Variants in TAF15 observed in about 807,000 individuals in gnomAD.
The protein encoded by TAF15 is TATA-box binding protein associated factor 15.
TAF15 carries 37 observed loss-of-function variants against 102.5 expected under a neutral mutation model. That is an observed-to-expected ratio of 0.36 (90% CI 0.28 to 0.47). TAF15 has a LOEUF of 0.47. Among genes scored for constraint, TAF15 ranks in the 20% least tolerant of loss-of-function variants. TAF15 has a pLI of 0.99. For missense variants in TAF15, 652 were observed against 760.7 expected (o/e 0.86, Z 1.68); for synonymous variants, 273 against 259.2 (o/e 1.05, Z -0.51).
chr17:35,824,360 A>C lies in TAF15; in HGVS notation c.605+162A>C, dbSNP rs534718476. 1.6e-4 allele frequency: 153 copies of C among 949,876 alleles called. No homozygotes were observed. The South Asian group carries it at 2.6e-3, about 16-fold the overall frequency. The allele number at this position is 949,876 out of a possible 1,614,324, so 58.8% of individuals were successfully genotyped here. ...AGGCAGAAATTAAAAGTGTATTTTC[A>C]GTCTTAATATCTCACATAAATGACC... On this transcript the variant is annotated intron_variant, in intron 7 of 15. Transcript: ENST00000605844.
chr17:35,836,930 C>T (rs1478587815), intron 10 of TAF15, among the ~76,000 whole-genome samples: 3 of 151,896 alleles, frequency 2.0e-5, no homozygotes, highest in Admixed American at 6.6e-5. Context: ...GGCGCTACCA[C>T]GCCCAGCTAA....
intron 9 of TAF15, among the ~76,000 whole-genome samples, chr17:35,835,200 T>C (rs1014434253): frequency 3.3e-5 from 5 of 152,194 alleles, no homozygotes; most frequent in Admixed American, 6.5e-5. Flanking sequence ...TTTAAAATTA[T>C]TGCAAATCAG....
chr17:35,810,344 T>G (rs897905350), intron 1 of TAF15: 1 of 152,382 alleles, frequency 6.6e-6, no homozygotes, highest in African/African-American at 2.4e-5. Flanking sequence ...CAATCTTTTT[T>G]CCCCCCACGA....
chr17:35,825,968 TA>T (rs913216007), intron 7 of TAF15, among the ~76,000 whole-genome samples: 58 of 150,654 alleles, frequency 3.8e-4, no homozygotes, highest in Middle Eastern at 3.4e-3. Flanking sequence ...AAAAAAACAT[TA>T]AAAAAAAATG....
intron 11 of TAF15, among the ~76,000 whole-genome samples, chr17:35,840,247 CTTTTTTTTT>C: frequency 8.4e-6 from 1 of 119,392 alleles, no homozygotes; most frequent in Non-Finnish European, 1.8e-5. Context: ...CGTTATTTTC[CTTTTTTTTT>C]TTTTTTTTTT....
rs932060866 is a variant in TAF15 at position 35,845,181 on chromosome 17, C to T, written c.1739+143C>T. ...ATGGAGAAGATGATTTAGTTTCCTG[C>T]TTAGCAATTTCTAAAATTTTGTTTT... On this transcript the variant is annotated intron_variant, in intron 15 of 15. Coordinates refer to ENST00000605844, the MANE Select transcript of TAF15 (RefSeq NM_139215.3). 3.8e-6 allele frequency: 4 copies of T among 1,064,706 alleles called. No homozygotes were observed. The African/African-American group carries it at 6.4e-5, about 17-fold the overall frequency. 66.0% of individuals were successfully genotyped at this position (1,064,706 alleles called of 1,614,324 possible).
At chr17:35,812,717 CAT>C (rs2087140112) in intron 1 of TAF15, among the ~76,000 whole-genome samples, 1 of 151,166 alleles carries the variant, frequency 6.6e-6, no homozygotes, top group Admixed American at 6.6e-5. Flanking sequence ...CTTTAGGAAA[CAT>C]TTCACTGAAA....
chr17:35,822,834 G>A lies in TAF15; in HGVS notation c.484+1G>A. On this transcript the variant is annotated splice_donor_variant, in intron 6 of 15. Transcript: ENST00000605844. LOFTEE classifies it high-confidence loss of function. ...GAAAACTACAGCCACCACACACAAG[G>A]TAAGATTTACTGACCTCTATTATTA... is the stretch of plus-strand genomic sequence containing the variant. 6.2e-7 allele frequency: 1 copy of A among 1,614,014 alleles called. No individual in the cohort carries two copies. The highest frequency in any genetic ancestry group is 1.3e-5 in the African/African-American group (1 of 75,026).
In TAF15 at chr17:35,844,283, A is replaced by G. The variant is rs1461894680; in HGVS notation, c.1092A>G (p.Ser364=). ...TTATATTTTCCTCCTTTCTTAGGTC[A>G]TGCGGAAATATGAACTTTGCTCGAA... ...KSGDWVCPNP[S]CGNMNFARRN... is the part of the protein sequence containing the mutation. Residue 364 remains serine (S), a synonymous_variant, in exon 14 of 16, where the codon TCA becomes TCG. Coordinates refer to ENST00000605844, the MANE Select transcript of TAF15 (RefSeq NM_139215.3). 1 of 1,614,214 alleles carries G rather than the reference A, an allele frequency of 6.2e-7. No homozygotes were observed. The highest frequency in any genetic ancestry group is 1.7e-5 in the Admixed American group (1 of 60,032).
intron 8 of TAF15, 111 bp downstream of exon 8, chr17:35,834,052 T>A (rs542105042): frequency 9.8e-7 from 1 of 1,019,094 alleles, no homozygotes; most frequent in Admixed American, 2.2e-5. Flanking sequence ...TTGAGGCTGG[T>A]GTGTGTTGTG....
intron 1 of TAF15, among the ~76,000 whole-genome samples, chr17:35,812,975 A>G (rs1469118665): frequency 6.6e-6 from 1 of 151,928 alleles, no homozygotes; most frequent in East Asian, 1.9e-4. Flanking sequence ...TAAAAGTATA[A>G]AAATTGCCAG....
In TAF15 at chr17:35,844,379, C is replaced by T. The variant is rs2087584147; in HGVS notation, c.1177+11C>T. The T allele has an allele frequency of 6.2e-7, 1 of 1,613,776 alleles. No homozygotes were observed. The highest frequency in any genetic ancestry group is 8.5e-7 in the Non-Finnish European group (1 of 1,179,730). ...GTCCCTCAGGAGGAGGTGGGTCAGC[C>T]TTTTAATAGCATCTGCATCGTGCTT... On this transcript the variant is annotated intron_variant, in intron 14 of 15. Transcript: ENST00000605844.
At chr17:35,835,510 A>C (rs1424611430) in intron 9 of TAF15, among the ~76,000 whole-genome samples, 6 of 152,242 alleles carry the variant, frequency 3.9e-5, no homozygotes, top group Non-Finnish European at 5.9e-5. Flanking sequence ...GTTTTTATTA[A>C]GATGCCAAAG....
Position 35,838,515 on chromosome 17 carries a change from ACCCT to A in TAF15, c.878_881del (p.Pro293LeufsTer32). The A allele has an allele frequency of 1.2e-6, 2 of 1,614,142 alleles. No individual in the cohort carries two copies. Among genetic ancestry groups the A allele is most frequent in the Non-Finnish European group, 1.7e-6 (2 of 1,180,026 alleles). On this transcript the variant is annotated frameshift_variant, in exon 11 of 16. Coordinates refer to ENST00000605844, the MANE Select transcript of TAF15 (RefSeq NM_139215.3). LOFTEE classifies it high-confidence loss of function. Reference sequence around the variant, plus strand: ...GGGGAGGCAACAGTGTCATTTGATGACCCTCCTTCAGCTAAGGCAGCCATTGACT... The same window carrying A: ...GGGGAGGCAACAGTGTCATTTGATGACCTTCAGCTAAGGCAGCCATTGACT...
Position 35,838,653 on chromosome 17 carries a change from TA to T in TAF15, c.913+101del, listed in dbSNP as rs1269561633. ...GGGTGACAGTGATTATATTCATGTT[TA>T]CTTTTGCAGATATTAAGAATACAGG... is the stretch of plus-strand genomic sequence containing the variant. On this transcript the variant is annotated intron_variant, in intron 11 of 15. Coordinates refer to ENST00000605844, the MANE Select transcript of TAF15 (RefSeq NM_139215.3). 3.2e-6 allele frequency: 5 copies of T among 1,560,240 alleles called. No homozygotes were observed. The Admixed American group carries it at 8.7e-5, about 27-fold the overall frequency.
Position 35,817,729 on chromosome 17 carries a change from C to A in TAF15, c.21C>A (p.Tyr7Ter). 6.2e-7 allele frequency: 1 copy of A among 1,613,226 alleles called. No individual in the cohort carries two copies. Among genetic ancestry groups the A allele is most frequent in the Non-Finnish European group, 8.5e-7 (1 of 1,179,378 alleles). Reference protein sequence around the residue: MSDSGSYGQSGGEQQSY... With the variant: MSDSGS Reference sequence around the variant, plus strand: ...TATGTGTTCTAGATTCTGGAAGTTACGGTCAGTCTGGGGGTGAGCAGCAAA... The same window carrying A: ...TATGTGTTCTAGATTCTGGAAGTTAAGGTCAGTCTGGGGGTGAGCAGCAAA... The change falls in exon 2 of 16, where the codon TAC becomes TAA. Residue 7 changes from tyrosine to a stop codon, truncating the protein, a stop_gained. Transcript: ENST00000605844. LOFTEE classifies it high-confidence loss of function.
chr17:35,819,102 A>G (rs910607923), intron 2 of TAF15, among the ~76,000 whole-genome samples: 16 of 152,186 alleles, frequency 1.1e-4, no homozygotes, highest in African/African-American at 3.6e-4. Flanking sequence ...AGCACCTCAG[A>G]TATCTTGTCA....
intron 15 of TAF15, among the ~76,000 whole-genome samples, chr17:35,845,831 T>C (rs1170166248): frequency 6.6e-6 from 1 of 152,244 alleles, no homozygotes; most frequent in Non-Finnish European, 1.5e-5. Flanking sequence ...TGTTTCGGTG[T>C]ATCTGTGTAT....
chr17:35,844,719 G>T lies in TAF15; in HGVS notation c.1420G>T (p.Asp474Tyr). 2 of 1,599,598 alleles carry T rather than the reference G, an allele frequency of 1.3e-6. No individual in the cohort carries two copies. Among genetic ancestry groups the T allele is most frequent in the Non-Finnish European group, 1.7e-6 (2 of 1,172,446 alleles). The change falls in exon 15 of 16, where the codon GAC (aspartate) becomes TAC (tyrosine). Residue 474 changes from aspartate to tyrosine, a missense_variant. Physicochemically the swap from Asp to Tyr is radical, Grantham distance 160. This residue lies in a region of TAF15 where 368 missense variants were observed against 367.5 expected (regional missense o/e 1.00). Transcript: ENST00000605844. ...GGDRGGGYGG[D>Y]RGGGYGGDRG... is the part of the protein sequence containing the mutation. Reference sequence around the variant, plus strand: ...GGACAGAGGAGGCGGCTATGGAGGAGACCGAGGAGGTGGCTATGGAGGAGA... The same window carrying T: ...GGACAGAGGAGGCGGCTATGGAGGATACCGAGGAGGTGGCTATGGAGGAGA...
Sources: gnomAD v4.1 joint callset for allele counts (sites outside exome capture counted in the v4.1 genomes callset) on GRCh38, gnomAD v4.1.1 for gene constraint, gnomAD v4.1.1 regional missense constraint, MANE v1.5 for transcripts, NCBI Gene and HGNC (gene_info 2026-07-23, HGNC 2026-07-21) for gene names.